Variants in SMG1 observed in about 807,000 individuals in gnomAD.
The protein encoded by SMG1 is SMG1 nonsense mediated mRNA decay associated PI3K related kinase.
A neutral mutation model predicts 419.9 loss-of-function variants in SMG1; 22 were observed. The ratio of observed to expected loss-of-function variants is 0.05; its 90% CI spans 0.04 to 0.07. The LOEUF is 0.07. Ranked by LOEUF, SMG1 falls within the 10% of genes least tolerant of loss-of-function variation. The pLI, the probability that SMG1 is intolerant of heterozygous loss-of-function variation, is 1.00. For synonymous variants in SMG1, 1,538 were observed against 1,553.5 expected (o/e 0.99, Z 0.23); for missense variants, 3,185 against 4,342.0 (o/e 0.73, Z 7.49).
chr16:18,915,904 A>G (rs189775867), intron 1 of SMG1, among the ~76,000 whole-genome samples: 11 of 151,446 alleles, frequency 7.3e-5, no homozygotes, highest in Admixed American at 5.9e-4. Flanking sequence ...CCCCATCTCT[A>G]CTAAAAGTAC....
chr16:18,926,265 G>A lies in SMG1; in HGVS notation c.-224C>T. ...CCCGCAGCGCAGGACGAGGAGGCGGGAGCGGCGCGGTGAGAGAGAGGCGGA... is the reference window on the plus strand; with the variant it reads ...CCCGCAGCGCAGGACGAGGAGGCGGAAGCGGCGCGGTGAGAGAGAGGCGGA... On this transcript the variant is annotated 5_prime_UTR_variant, in exon 1 of 63. Coordinates refer to ENST00000446231, the MANE Select transcript of SMG1 (RefSeq NM_015092.5). 3.8e-6 allele frequency: 2 copies of A among 532,350 alleles called. No individual in the cohort carries two copies. Among genetic ancestry groups the A allele is most frequent in the Middle Eastern group, 4.8e-4 (1 of 2,066 alleles). 33.0% of individuals were successfully genotyped at this position (532,350 alleles called of 1,614,324 possible). A position where few individuals can be genotyped will look rare whatever the true frequency, so the allele number is the denominator to read the frequency against.
chr16:18,805,485 T>C lies in SMG1; in HGVS notation c.*4084A>G, dbSNP rs749173230. 20 of 152,332 alleles carry C rather than the reference T, an allele frequency of 1.3e-4. No individual in the cohort carries two copies. The highest frequency in any genetic ancestry group is 8.8e-5 in the Non-Finnish European group (6 of 68,016). 9.4% of individuals were successfully genotyped at this position (152,332 alleles called of 1,614,324 possible). ...TCATATTTTACAGCCCTTGAACTTA[T>C]AAAGCTTTTCTCATTAAGAGTCAGT... On this transcript the variant is annotated 3_prime_UTR_variant, in exon 63 of 63. Coordinates refer to ENST00000446231, the MANE Select transcript of SMG1 (RefSeq NM_015092.5).
At chr16:18,877,086 T>C in intron 12 of SMG1, 45 bp downstream of exon 12, 2 of 1,400,720 alleles carry the variant, frequency 1.4e-6, no homozygotes. Flanking sequence ...GTCCAACTCT[T>C]CAGTGACTCA....
chr16:18,912,686 G>A (rs552681511), intron 1 of SMG1, among the ~76,000 whole-genome samples: 1 of 151,958 alleles, frequency 6.6e-6, no homozygotes, highest in African/African-American at 2.4e-5. Context: ...GCTATTAAGT[G>A]TAAGTTAATT....
At chr16:18,882,400 A>C in intron 9 of SMG1, 62 bp from the exon 10 acceptor site, 1 of 959,496 alleles carries the variant, frequency 1.0e-6, no homozygotes, top group Non-Finnish European at 1.4e-6. Flanking sequence ...AAAAAAAAAA[A>C]ACTCTAAAAT....
intron 28 of SMG1, 69 bp from the exon 29 acceptor site, chr16:18,858,359 G>C (rs1427946804): frequency 6.2e-6 from 9 of 1,456,508 alleles, no homozygotes; most frequent in African/African-American, 1.4e-5. Context: ...TATATAGCAA[G>C]TCTTAAGTCC....
rs1555508816 is a variant in SMG1, at chr16:18,926,156, A to AAGGAGGAGAAGG, written c.-116_-115insCCTTCTCCTCCT. 1.2e-5 allele frequency: 8 copies of AAGGAGGAGAAGG among 674,776 alleles called. No homozygotes were observed. The Admixed American group carries it at 1.4e-4, about 12-fold the overall frequency. The allele number at this position is 674,776 out of a possible 1,614,324, so 41.8% of individuals were successfully genotyped here. ...GCCCGGGGCTGAGGAGGAAGCCGAG[A>AAGGAGGAGAAGG]AGGAGGAGGAGGAGGAGGAGGAGGA... On this transcript the variant is annotated 5_prime_UTR_variant, in exon 1 of 63. Coordinates refer to ENST00000446231, the MANE Select transcript of SMG1 (RefSeq NM_015092.5).
rs188851799 is a variant in SMG1, at chr16:18,835,016, G to A, written c.8206C>T (p.Pro2736Ser). Residue 2736 changes from proline to serine, a missense_variant, in exon 49 of 63, where the codon CCA (proline) becomes TCA (serine). Coordinates refer to ENST00000446231, the MANE Select transcript of SMG1 (RefSeq NM_015092.5). ...TCTTTCAACTGATCTTCACAAACTG[G>A]CACAGTGACAGCTTCCTGTTTCAAG... ...ERLKQEAVTV[P>S]VCEDQLKEIE... is the part of the protein sequence containing the mutation. The A allele has an allele frequency of 1.2e-6, 2 of 1,613,910 alleles. No individual in the cohort carries two copies. Among genetic ancestry groups the A allele is most frequent in the East Asian group, 2.2e-5 (1 of 44,874 alleles).
intron 48 of SMG1, 89 bp from the exon 49 acceptor site, chr16:18,835,253 G>A (rs753168480): frequency 3.1e-6 from 4 of 1,299,618 alleles, no homozygotes; most frequent in South Asian, 1.5e-5. Context: ...AACAAAACTT[G>A]AAGAGTAGAA....
intron 1 of SMG1, 177 bp downstream of exon 1, chr16:18,925,773 G>T: frequency 4.1e-6 from 2 of 486,316 alleles, no homozygotes; most frequent in Non-Finnish European, 7.1e-6. Flanking sequence ...AGGCACTTAG[G>T]CCTCGCCTCC....
At chr16:18,891,222 G>A (rs536874210) in intron 4 of SMG1, among the ~76,000 whole-genome samples, 5 of 152,300 alleles carry the variant, frequency 3.3e-5, no homozygotes, top group African/African-American at 1.2e-4. Context: ...AGGGATAGAT[G>A]GAGAGACATG....
At chr16:18,889,976 ATAGT>A (rs1348878829) in intron 5 of SMG1, among the ~76,000 whole-genome samples, 3 of 152,218 alleles carry the variant, frequency 2.0e-5, no homozygotes, top group African/African-American at 7.2e-5. Flanking sequence ...AAAAATGGTA[ATAGT>A]TAAATACAGA....
At chr16:18,882,986 C>A (rs2036464779) in intron 9 of SMG1, among the ~76,000 whole-genome samples, 1 of 151,968 alleles carries the variant, frequency 6.6e-6, no homozygotes, top group Non-Finnish European at 1.5e-5. Context: ...CAGCTTTAAA[C>A]GTGGGCTGTG....
In SMG1 at chr16:18,819,603, C is replaced by A. The variant is rs1337091483; in HGVS notation, c.9793G>T (p.Gly3265Cys). The A allele has an allele frequency of 6.3e-7, 1 of 1,594,612 alleles. No individual in the cohort carries two copies. Residue 3265 changes from glycine (G) to cysteine (C), a missense_variant, in exon 56 of 63, where the codon GGT becomes TGT. Coordinates refer to ENST00000446231, the MANE Select transcript of SMG1 (RefSeq NM_015092.5). ...GGGGCCAATGCAGGGTTGGCACCAC[C>A]TGCCCACTTGAGTCGCTGTTCAATA... is the stretch of plus-strand genomic sequence containing the variant. Reference protein sequence around the residue: ...SSIEQRLKWAGGANPALAPVL... With the variant: ...SSIEQRLKWACGANPALAPVL...
At chr16:18,865,712 G>A (rs780311354) in intron 23 of SMG1, among the ~76,000 whole-genome samples, 9 of 151,226 alleles carry the variant, frequency 6.0e-5, no homozygotes, top group Non-Finnish European at 1.3e-4. Context: ...GCCCAGGCTG[G>A]AGGGCAGTGG....
In SMG1 at chr16:18,834,936, C is replaced by G; in HGVS notation, c.8286G>C (p.Leu2762Phe). ...FLHENGEEGSLSLASVIISAL... is the reference protein window; with the variant it reads ...FLHENGEEGSFSLASVIISAL... ...CAGAAATAATAACACTTGCTAGACT[C>G]AAAGATCCTTCTTCTCCATTCTCAT... Residue 2762 changes from leucine to phenylalanine, a missense_variant, in exon 49 of 63, where the codon TTG (leucine) becomes TTC (phenylalanine). Around this residue, in one of 27 missense-constraint regions of SMG1, gnomAD observed 412 missense variants for 546.6 expected, o/e 0.75. Transcript: ENST00000446231. 1 of 1,614,004 alleles carries G rather than the reference C, an allele frequency of 6.2e-7. No homozygotes were observed. Among genetic ancestry groups the G allele is most frequent in the Non-Finnish European group, 8.5e-7 (1 of 1,179,882 alleles).
intron 1 of SMG1, among the ~76,000 whole-genome samples, chr16:18,914,608 C>T (rs1421748690): frequency 1.3e-5 from 2 of 152,108 alleles, no homozygotes; most frequent in Non-Finnish European, 2.9e-5. Flanking sequence ...CACTTGAACC[C>T]AGGCGGCAGA....
At chr16:18,870,055 T>C (rs2035732576) in intron 18 of SMG1, 61 bp from the exon 19 acceptor site, 4 of 1,088,082 alleles carry the variant, frequency 3.7e-6, no homozygotes, top group Non-Finnish European at 2.6e-6. Context: ...TAGCACATAC[T>C]GTAAGTGGAT....
At chr16:18,837,229 G>C in intron 46 of SMG1, 24 bp downstream of exon 46, 1 of 1,569,076 alleles carries the variant, frequency 6.4e-7, no homozygotes, top group Non-Finnish European at 8.7e-7. Flanking sequence ...CACATATTTA[G>C]AAGAATTCAA....
Sources: allele counts gnomAD v4.1 joint callset (sites outside exome capture counted in the v4.1 genomes callset), GRCh38; gene constraint gnomAD v4.1.1; regional missense constraint gnomAD v4.1.1; transcripts MANE v1.5; gene names NCBI Gene and HGNC (gene_info 2026-07-23, HGNC 2026-07-21).